Variants in ZSCAN21 observed in about 807,000 individuals in gnomAD.
The protein encoded by ZSCAN21 is zinc finger and SCAN domain-containing protein 21.
A neutral mutation model predicts 35.6 loss-of-function variants in ZSCAN21; 26 were observed. The observed-to-expected ratio is 0.73, with a 90% CI of 0.54 to 1.01. The LOEUF (loss-of-function observed/expected upper bound fraction) is 1.01, where lower values mean the gene tolerates loss of function less well. Among genes scored for constraint, ZSCAN21 ranks in the 50% least tolerant of loss-of-function variants. ZSCAN21 has a pLI of 0.00. For missense variants in ZSCAN21, 593 were observed against 587.1 expected (o/e 1.01, Z -0.10); for synonymous variants, 219 against 219.3 (o/e 1.00, Z 0.01).
At position 100,064,797 on chromosome 7, in the gene ZSCAN21, GT is replaced by G. The variant is rs777843966; in HGVS notation, c.*181del. Reference sequence around the variant, plus strand: ...GGCAGGCAGGAGGTCCTCAGAAGGTGTCAGGAGGTTCCACACTCGCCAGTTC... The same window carrying G: ...GGCAGGCAGGAGGTCCTCAGAAGGTGCAGGAGGTTCCACACTCGCCAGTTC... On this transcript the variant is annotated 3_prime_UTR_variant, in exon 4 of 4. Coordinates refer to ENST00000292450, the MANE Select transcript of ZSCAN21 (RefSeq NM_145914.3). The G allele has an allele frequency of 1.6e-5, 26 of 1,614,072 alleles. 1 individual carries two copies. The Middle Eastern group carries it at 4.9e-4, about 31-fold the overall frequency.
intron 3 of ZSCAN21, among the ~76,000 whole-genome samples, chr7:100,060,727 C>T (rs1792255487): frequency 1.4e-5 from 2 of 141,008 alleles, no homozygotes; most frequent in South Asian, 4.6e-4. Context: ...ACGTGTTGTC[C>T]CTGGGACCTG....
chr7:100,054,111 T>G (rs1791989144), intron 1 of ZSCAN21, among the ~76,000 whole-genome samples: 2 of 152,114 alleles, frequency 1.3e-5, no homozygotes, highest in African/African-American at 4.8e-5. Context: ...GTAGGTGAGA[T>G]GACGTTGCAT....
At chr7:100,053,909 A>T (rs932361743) in intron 1 of ZSCAN21, among the ~76,000 whole-genome samples, 4 of 151,980 alleles carry the variant, frequency 2.6e-5, no homozygotes, top group Admixed American at 1.3e-4. Flanking sequence ...CCAGTTCACC[A>T]TGTTGGCCAG....
chr7:100,062,452 G>C (rs766901680), intron 3 of ZSCAN21, among the ~76,000 whole-genome samples: 1 of 151,482 alleles, frequency 6.6e-6, no homozygotes, highest in Admixed American at 6.6e-5. Context: ...AAAATAAGCC[G>C]GGCATGGTGG....
chr7:100,063,886 A>G lies in ZSCAN21; in HGVS notation c.691A>G (p.Asn231Asp), dbSNP rs1792477558. 7 of 1,614,184 alleles carry G rather than the reference A, an allele frequency of 4.3e-6. No homozygotes were observed. The highest frequency in any genetic ancestry group is 5.9e-6 in the Non-Finnish European group (7 of 1,180,040). ...KGDIISVIIA[N>D]KPEASLERQC... ...GGATATAATTTCTGTGATTATCGCCAATAAACCTGAGGCCAGCTTAGAGAG... is the reference window on the plus strand; with the variant it reads ...GGATATAATTTCTGTGATTATCGCCGATAAACCTGAGGCCAGCTTAGAGAG... The change falls in exon 4 of 4, where the codon AAT becomes GAT. Residue 231 changes from asparagine (N) to aspartate (D), a missense_variant. Coordinates refer to ENST00000292450, the MANE Select transcript of ZSCAN21 (RefSeq NM_145914.3).
chr7:100,056,925 C>G lies in ZSCAN21; in HGVS notation c.-82C>G. On this transcript the variant is annotated 5_prime_UTR_variant, in exon 2 of 4. Transcript: ENST00000292450. The stretch of plus-strand genomic sequence containing the variant: ...TATTTTCTTAGGTTTAACTTGTGGC[C>G]CTAAAGAACTGGAAACCCAAAGGAA... 1 of 1,386,336 alleles carries G rather than the reference C, an allele frequency of 7.2e-7. No individual in the cohort carries two copies. The highest frequency in any genetic ancestry group is 9.6e-7 in the Non-Finnish European group (1 of 1,036,412). The allele number at this position is 1,386,336 out of a possible 1,614,324, so 85.9% of individuals were successfully genotyped here.
At position 100,064,871 on chromosome 7, in the gene ZSCAN21, C is replaced by G. The variant is rs765665375; in HGVS notation, c.*254C>G. ...ACACTTAGGGTCCCAGTAAGCCATGCCAGCATTACCTTTTGCGTAGTTAAA... is the reference window on the plus strand; with the variant it reads ...ACACTTAGGGTCCCAGTAAGCCATGGCAGCATTACCTTTTGCGTAGTTAAA... On this transcript the variant is annotated 3_prime_UTR_variant, in exon 4 of 4. Transcript: ENST00000292450. The G allele has an allele frequency of 6.2e-7, 1 of 1,608,566 alleles. No homozygotes were observed. Among genetic ancestry groups the G allele is most frequent in the Non-Finnish European group, 8.5e-7 (1 of 1,177,642 alleles).
rs369246193 is a variant in ZSCAN21 at position 100,051,178 on chromosome 7, C to CAAAAAAAAAAAAAAAAAAAAAAAAAAAAA, written c.-97+1362_-97+1363insAAAAAAAAAAAAAAAAAAAAAAAAAAAAA. Among the ~76,000 whole-genome samples the CAAAAAAAAAAAAAAAAAAAAAAAAAAAAA allele has an allele frequency of 6.0e-4, 25 of 41,366 alleles. 1 individual carries two copies. Among genetic ancestry groups the CAAAAAAAAAAAAAAAAAAAAAAAAAAAAA allele is most frequent in the Non-Finnish European group, 8.6e-4 (20 of 23,132 alleles). The allele number at this position is 41,366 out of a possible 152,430, so 27.1% of individuals were successfully genotyped here. A position where few individuals can be genotyped will look rare whatever the true frequency, so the allele number is the denominator to read the frequency against. Reference sequence around the variant, plus strand: ...GGGAAACAAGAGTGAAACTACGTCTCAAAAAAAAAAAAAAAAAAAAAAAAA... The same window carrying CAAAAAAAAAAAAAAAAAAAAAAAAAAAAA: ...GGGAAACAAGAGTGAAACTACGTCTCAAAAAAAAAAAAAAAAAAAAAAAAAAAAAAAAAAAAAAAAAAAAAAAAAAAAAA... On this transcript the variant is annotated intron_variant, in intron 1 of 3. Coordinates refer to ENST00000292450, the MANE Select transcript of ZSCAN21 (RefSeq NM_145914.3).
At chr7:100,058,881 G>C (rs1476717182) in intron 3 of ZSCAN21, among the ~76,000 whole-genome samples, 4 of 152,130 alleles carry the variant, frequency 2.6e-5, no homozygotes, top group Non-Finnish European at 5.9e-5. Context: ...TTTTTGTACA[G>C]ACAGGGTCTC....
rs1420735023 is a variant in ZSCAN21 at position 100,057,895 on chromosome 7, G to A, written c.592+5G>A. 1.3e-5 allele frequency: 21 copies of A among 1,594,858 alleles called. No individual in the cohort carries two copies. Among genetic ancestry groups the A allele is most frequent in the Non-Finnish European group, 1.5e-5 (18 of 1,170,022 alleles). On this transcript the variant is annotated splice_donor_5th_base_variant and intron_variant, in intron 3 of 3. Transcript: ENST00000292450. ...AAGATCCAAGAAAGGTCCGAGGTGA[G>A]GACCACCCATTAGACTCCTATTCAG...
intron 1 of ZSCAN21, among the ~76,000 whole-genome samples, chr7:100,053,604 G>A (rs1168014517): frequency 1.5e-5 from 2 of 136,406 alleles, no homozygotes; most frequent in Admixed American, 1.6e-4. Context: ...AGGCTGGAGT[G>A]TAGTGACAGG....
chr7:100,057,664 A>G (rs1448323580), intron 2 of ZSCAN21, 34 bp from the exon 3 acceptor site: 2 of 1,566,576 alleles, frequency 1.3e-6, no homozygotes, highest in Non-Finnish European at 1.7e-6. Context: ...AAAGTGAGCC[A>G]TGCACAAACC....
chr7:100,053,597 C>T (rs1450387043), intron 1 of ZSCAN21, among the ~76,000 whole-genome samples: 2 of 137,396 alleles, frequency 1.5e-5, no homozygotes, highest in African/African-American at 5.6e-5. Context: ...GTTACCCAGG[C>T]TGGAGTGTAG....
In ZSCAN21 at chr7:100,065,021, A is replaced by T; in HGVS notation, c.*404A>T. On this transcript the variant is annotated 3_prime_UTR_variant, in exon 4 of 4. Coordinates refer to ENST00000292450, the MANE Select transcript of ZSCAN21 (RefSeq NM_145914.3). Reference sequence around the variant, plus strand: ...AACACAATTGAATGAGATTCAGAATAAACTTATAACATCTTGTAATGCCTC... The same window carrying T: ...AACACAATTGAATGAGATTCAGAATTAACTTATAACATCTTGTAATGCCTC... 7.1e-7 allele frequency: 1 copy of T among 1,404,984 alleles called. No homozygotes were observed. Among genetic ancestry groups the T allele is most frequent in the Non-Finnish European group, 9.8e-7 (1 of 1,023,350 alleles). The allele number at this position is 1,404,984 out of a possible 1,614,324, so 87.0% of individuals were successfully genotyped here. A position where few individuals can be genotyped will look rare whatever the true frequency, so the allele number is the denominator to read the frequency against.
chr7:100,063,875 T>C lies in ZSCAN21; in HGVS notation c.680T>C (p.Val227Ala). ...GGGCTCAAAGGGGATATAATTTCTG[T>C]GATTATCGCCAATAAACCTGAGGCC... Reference protein sequence around the residue: ...AEGLKGDIISVIIANKPEASL... With the variant: ...AEGLKGDIISAIIANKPEASL... Residue 227 changes from valine (V) to alanine (A), a missense_variant, in exon 4 of 4, where the codon GTG becomes GCG. Physicochemically the swap from Val to Ala is moderately conservative, Grantham distance 64. Coordinates refer to ENST00000292450, the MANE Select transcript of ZSCAN21 (RefSeq NM_145914.3). 1 of 1,614,100 alleles carries C rather than the reference T, an allele frequency of 6.2e-7. No individual in the cohort carries two copies. The highest frequency in any genetic ancestry group is 1.3e-5 in the African/African-American group (1 of 75,012).
Position 100,063,803 on chromosome 7 carries a change from C to G in ZSCAN21, c.608C>G (p.Thr203Ser), listed in dbSNP as rs1290670001. 1 of 1,608,652 alleles carries G rather than the reference C, an allele frequency of 6.2e-7. No individual in the cohort carries two copies. The change falls in exon 4 of 4, where the codon ACC becomes AGC. Residue 203 changes from threonine to serine, a missense_variant. Physicochemically the swap from Thr to Ser is moderately conservative, Grantham distance 58 (BLOSUM62 1). Coordinates refer to ENST00000292450, the MANE Select transcript of ZSCAN21 (RefSeq NM_145914.3). ...ATTGTTTCAGATTGCAGATTGAGTA[C>G]CCAGCACGAGGAATCAGCAGATGAG... ...PRKVRDCRLS[T>S]QHEESADEQK...
At chr7:100,057,577 G>T (rs1461071301) in intron 2 of ZSCAN21, 121 bp from the exon 3 acceptor site, 14 of 1,330,526 alleles carry the variant, frequency 1.1e-5, no homozygotes, top group Non-Finnish European at 1.3e-5. Flanking sequence ...CCTTGGGAAT[G>T]GAATGGGATG....
At chr7:100,057,486 A>C (rs987161179) in intron 2 of ZSCAN21, 81 bp downstream of exon 2, 37 of 1,478,020 alleles carry the variant, frequency 2.5e-5, no homozygotes, top group Non-Finnish European at 3.1e-5. Context: ...TCCATACATT[A>C]AGATTTGCTG....
rs551355535 is a variant in ZSCAN21 at position 100,057,866 on chromosome 7, G to A, written c.568G>A (p.Ala190Thr). 2.4e-5 allele frequency: 39 copies of A among 1,609,982 alleles called. 1 individual carries two copies. The South Asian group carries it at 3.2e-4, about 13-fold the overall frequency. ...AGAGTCTGGTGAGGAGCAGGAGTTC[G>A]CTCAAGATCCAAGAAAGGTCCGAGG... ...IQESGEEQEF[A>T]QDPRKVRDCR... The change falls in exon 3 of 4, where the codon GCT (alanine) becomes ACT (threonine). Residue 190 changes from alanine (A) to threonine (T), a missense_variant. Transcript: ENST00000292450.
Sources: gnomAD v4.1 joint callset for allele counts (sites outside exome capture counted in the v4.1 genomes callset) on GRCh38, gnomAD v4.1.1 for gene constraint, MANE v1.5 for transcripts, NCBI Gene and HGNC (gene_info 2026-07-23, HGNC 2026-07-21) for gene names.